The following DIS3L2 variants were observed in gnomAD, a reference collection of about 807,000 sequenced individuals.
DIS3L2 encodes the protein DIS3 like 3'-5' exoribonuclease 2, also known as DIS3-like exonuclease 2.
DIS3L2 carries 34 observed loss-of-function variants against 97.5 expected under a neutral mutation model. The observed-to-expected ratio is 0.35, with a 90% CI of 0.27 to 0.46. The LOEUF (loss-of-function observed/expected upper bound fraction) is 0.46. Among genes scored for constraint, DIS3L2 ranks in the 20% least tolerant of loss-of-function variants. The pLI, the probability that DIS3L2 is intolerant of heterozygous loss-of-function variation, is 1.00. For missense variants in DIS3L2, 1,038 were observed against 1,146.0 expected, an observed-to-expected ratio of 0.91 and a Z score of 1.36; for synonymous variants, 435 against 445.2, an observed-to-expected ratio of 0.98 and a Z score of 0.29.
intron 13 of DIS3L2, among the ~76,000 whole-genome samples, chr2:232,266,035 G>A (rs533720612): frequency 6.6e-6 from 1 of 152,310 alleles, no homozygotes; most frequent in African/African-American, 2.4e-5. Context: ...ACCAATGGCT[G>A]CTGAAGCACA....
chr2:232,018,083 T>G (rs1694405750), intron 3 of DIS3L2, among the ~76,000 whole-genome samples: 1 of 152,126 alleles, frequency 6.6e-6, no homozygotes, highest in African/African-American at 2.4e-5. Flanking sequence ...GAAGAAGAGT[T>G]GGGGGAACTT....
rs78230050 is a variant in DIS3L2, at chr2:232,010,849, C to T, written c.-93-3986C>T. ...TGCCCCATTGTAGTCCTGGCCCTGCCACTCATGCTTCTCACTAGTATATAT... is the reference window on the plus strand; with the variant it reads ...TGCCCCATTGTAGTCCTGGCCCTGCTACTCATGCTTCTCACTAGTATATAT... On this transcript the variant is annotated intron_variant, in intron 1 of 20. Coordinates refer to ENST00000325385, the MANE Select transcript of DIS3L2 (RefSeq NM_152383.5). Among the ~76,000 whole-genome samples, 496 of 152,330 alleles carry T rather than the reference C, an allele frequency of 3.3e-3. 1 individual carries two copies. Among genetic ancestry groups the T allele is most frequent in the Non-Finnish European group, 4.7e-3 (317 of 68,038 alleles).
intron 20 of DIS3L2, chr2:232,336,218 C>T (rs1488680987): frequency 3.3e-6 from 5 of 1,537,000 alleles, no homozygotes; most frequent in Non-Finnish European, 4.4e-6. Flanking sequence ...CAACAGTGTG[C>T]CCTGAACGCG....
At chr2:232,007,594 C>T (rs1277639376) in intron 1 of DIS3L2, among the ~76,000 whole-genome samples, 2 of 152,234 alleles carry the variant, frequency 1.3e-5, no homozygotes, top group South Asian at 2.1e-4. Flanking sequence ...CCACCTTGGC[C>T]TCCCAAAGTG....
intron 6 of DIS3L2, among the ~76,000 whole-genome samples, chr2:232,119,902 A>G (rs551684544): frequency 2.0e-5 from 3 of 152,336 alleles, no homozygotes; most frequent in Non-Finnish European, 4.4e-5. Flanking sequence ...AATTAGAACA[A>G]TGAAGGGAAA....
At chr2:232,193,154 C>A (rs1398190368) in intron 9 of DIS3L2, among the ~76,000 whole-genome samples, 1 of 152,240 alleles carries the variant, frequency 6.6e-6, no homozygotes, top group Non-Finnish European at 1.5e-5. Context: ...AGGCAAGGAT[C>A]AGATTATTCC....
intron 1 of DIS3L2, among the ~76,000 whole-genome samples, chr2:231,990,860 A>G (rs1012593792): frequency 6.6e-6 from 1 of 152,238 alleles, no homozygotes; most frequent in African/African-American, 2.4e-5. Context: ...TGAATATACT[A>G]AACTCCAGCA....
At chr2:232,162,785 G>A (rs1003157079) in intron 8 of DIS3L2, among the ~76,000 whole-genome samples, 1 of 152,210 alleles carries the variant, frequency 6.6e-6, no homozygotes, top group African/African-American at 2.4e-5. Context: ...CAATGCTTAT[G>A]AGAATAGAGA....
chr2:232,142,054 T>C (rs982930455), intron 8 of DIS3L2, among the ~76,000 whole-genome samples: 1 of 152,206 alleles, frequency 6.6e-6, no homozygotes, highest in Non-Finnish European at 1.5e-5. Context: ...GCAAAAGGAA[T>C]ATTTCACCTT....
chr2:231,964,361 A>G (rs1211235311), intron 1 of DIS3L2, among the ~76,000 whole-genome samples: 2 of 152,202 alleles, frequency 1.3e-5, no homozygotes, highest in African/African-American at 4.8e-5. Context: ...TTTCTGCAGA[A>G]GGAAATCTTC....
intron 6 of DIS3L2, among the ~76,000 whole-genome samples, chr2:232,112,553 C>A (rs1053924954): frequency 6.6e-6 from 1 of 152,082 alleles, no homozygotes; most frequent in Non-Finnish European, 1.5e-5. Context: ...TGCTCTTGTC[C>A]CCAGGGCCTT....
At chr2:232,154,727 G>A (rs1256790004) in intron 8 of DIS3L2, among the ~76,000 whole-genome samples, 3 of 149,428 alleles carry the variant, frequency 2.0e-5, no homozygotes, top group Non-Finnish European at 4.5e-5. Context: ...GTGGTGGGCT[G>A]CACCCAGTTG....
rs71056262 is a variant in DIS3L2 at position 232,270,860 on chromosome 2, G to GTCTCTCTC, written c.1659+7468_1659+7475dup. 2.5e-3 allele frequency among the ~76,000 whole-genome samples: 257 copies of GTCTCTCTC among 103,828 alleles called. 4 individuals are homozygous for GTCTCTCTC. Among genetic ancestry groups the GTCTCTCTC allele is most frequent in the African/African-American group, 4.3e-3 (118 of 27,656 alleles). 68.1% of individuals were successfully genotyped at this position (103,828 alleles called of 152,430 possible). A position where few individuals can be genotyped will look rare whatever the true frequency, so the allele number is the denominator to read the frequency against. ...CGCACTCGCGCGCTCTCTTTTTCTC[G>GTCTCTCTC]TCTCTCTCTCTCTCTCTCTCTCTCT... is the stretch of plus-strand genomic sequence containing the variant. On this transcript the variant is annotated intron_variant, in intron 13 of 20. Transcript: ENST00000325385.
intron 5 of DIS3L2, among the ~76,000 whole-genome samples, chr2:232,058,075 C>G (rs1695597039): frequency 6.6e-6 from 1 of 152,098 alleles, no homozygotes; most frequent in South Asian, 2.1e-4. Flanking sequence ...TGAACACAAG[C>G]AGATTTGGTC....
chr2:232,214,153 C>T (rs1692271018), intron 10 of DIS3L2, among the ~76,000 whole-genome samples: 1 of 152,134 alleles, frequency 6.6e-6, no homozygotes, highest in Non-Finnish European at 1.5e-5. Context: ...AATCGTGTGC[C>T]TCAGTGTTTT....
At chr2:231,992,647 T>TGA (rs1477106739) in intron 1 of DIS3L2, among the ~76,000 whole-genome samples, 1 of 152,158 alleles carries the variant, frequency 6.6e-6, no homozygotes, top group African/African-American at 2.4e-5. Context: ...CACCTCTCAC[T>TGA]GAGCCCCTTG....
chr2:232,248,955 G>A (rs1193306981), intron 11 of DIS3L2, among the ~76,000 whole-genome samples: 1 of 152,296 alleles, frequency 6.6e-6, no homozygotes, highest in South Asian at 2.1e-4. Context: ...GGAGCTTCAG[G>A]TTTAGTAGAT....
At chr2:231,982,499 T>A (rs771837108) in intron 1 of DIS3L2, among the ~76,000 whole-genome samples, 1 of 152,230 alleles carries the variant, frequency 6.6e-6, no homozygotes, top group Non-Finnish European at 1.5e-5. Context: ...TTATGATAAC[T>A]TCTTTAATCT....
chr2:232,298,923 C>T (rs1265225975), intron 13 of DIS3L2, among the ~76,000 whole-genome samples: 2 of 152,220 alleles, frequency 1.3e-5, no homozygotes, highest in Non-Finnish European at 2.9e-5. Context: ...CCAAGACTTT[C>T]CCAGAGTTCC....
Sources: gnomAD v4.1 joint callset for allele counts (sites outside exome capture counted in the v4.1 genomes callset) on GRCh38, gnomAD v4.1.1 for gene constraint, MANE v1.5 for transcripts, NCBI Gene and HGNC (gene_info 2026-07-23, HGNC 2026-07-21) for gene names.